Variants in HEPHL1 observed in about 807,000 individuals in gnomAD.
The protein encoded by HEPHL1 is ferroxidase HEPHL1.
A neutral mutation model predicts 122.0 loss-of-function variants in HEPHL1; 123 were observed. The observed-to-expected ratio is 1.01, with a 90% CI of 0.87 to 1.17. The LOEUF (loss-of-function observed/expected upper bound fraction) is 1.17, where lower values mean the gene tolerates loss of function less well. HEPHL1 is among the 50% of genes most tolerant of loss of function. HEPHL1 has a pLI of 0.00. For synonymous variants in HEPHL1, 527 were observed against 508.9 expected (o/e 1.04, Z -0.48); for missense variants, 1,452 against 1,430.5 (o/e 1.01, Z -0.24).
At chr11:94,073,475 C>T (rs769354959) in intron 8 of HEPHL1, 36 bp downstream of exon 8, 58 of 1,546,560 alleles carry the variant, frequency 3.8e-5, no homozygotes, top group Admixed American at 2.0e-4. Flanking sequence ...GGAAACAGGA[C>T]GGGTGAGCAA....
intron 14 of HEPHL1, 25 bp from the exon 15 acceptor site, chr11:94,102,889 A>G: frequency 1.7e-6 from 2 of 1,156,138 alleles, no homozygotes; most frequent in Non-Finnish European, 1.3e-6. Flanking sequence ...ATTCTAATAA[A>G]TTTTTTCCAT....
At chr11:94,023,521 C>G (rs1054348468) in intron 1 of HEPHL1, among the ~76,000 whole-genome samples, 1 of 152,058 alleles carries the variant, frequency 6.6e-6, no homozygotes, top group Non-Finnish European at 1.5e-5. Flanking sequence ...GAAGATGGTG[C>G]TTTGATGAAA....
At chr11:94,044,763 C>CTT (rs112232970) in intron 1 of HEPHL1, among the ~76,000 whole-genome samples, 3,069 of 136,350 alleles carry the variant, frequency 0.023, 115 homozygotes, top group African/African-American at 0.061. Context: ...TTCTCCAAAC[C>CTT]TTTTTTTTTT....
At chr11:94,067,424 G>A (rs1287969712) in intron 4 of HEPHL1, 72 bp from the exon 5 acceptor site, 7 of 1,485,460 alleles carry the variant, frequency 4.7e-6, no homozygotes, top group Admixed American at 1.7e-5. Context: ...GCTTAAGCCC[G>A]TATTACCAAC....
chr11:94,103,046 G>C (rs756000657), intron 15 of HEPHL1, 26 bp downstream of exon 15: 1 of 1,314,764 alleles, frequency 7.6e-7, no homozygotes, highest in Non-Finnish European at 1.1e-6. Context: ...CAACCAAAAG[G>C]CTTAAAATAA....
intron 2 of HEPHL1, among the ~76,000 whole-genome samples, chr11:94,051,976 C>G (rs925705875): frequency 6.6e-6 from 1 of 152,066 alleles, no homozygotes; most frequent in African/African-American, 2.4e-5. Context: ...TCCAGGTTCT[C>G]TATTCTGTTC....
intron 1 of HEPHL1, among the ~76,000 whole-genome samples, chr11:94,042,301 G>T (rs1945788760): frequency 7.8e-6 from 1 of 128,134 alleles, no homozygotes; most frequent in Non-Finnish European, 1.6e-5. Flanking sequence ...TTCAACCATT[G>T]TGGAAGTCAG....
chr11:94,087,831 C>T (rs1946230546), intron 11 of HEPHL1, among the ~76,000 whole-genome samples: 1 of 152,100 alleles, frequency 6.6e-6, no homozygotes, highest in Non-Finnish European at 1.5e-5. Flanking sequence ...TGAATTTTTG[C>T]TCATCTAAAA....
chr11:94,028,054 A>G (rs1031095537), intron 1 of HEPHL1, among the ~76,000 whole-genome samples: 1 of 152,094 alleles, frequency 6.6e-6, no homozygotes, highest in African/African-American at 2.4e-5. Flanking sequence ...ATGATCTCAC[A>G]TGTTGGATCT....
intron 13 of HEPHL1, among the ~76,000 whole-genome samples, chr11:94,100,042 G>A (rs1052380798): frequency 9.9e-5 from 15 of 152,068 alleles, no homozygotes; most frequent in Admixed American, 2.0e-4. Flanking sequence ...CTGACAAGCC[G>A]CAGTGAGATG....
At chr11:94,045,253 A>G (rs1463645185) in intron 1 of HEPHL1, among the ~76,000 whole-genome samples, 1 of 152,224 alleles carries the variant, frequency 6.6e-6, no homozygotes, top group Non-Finnish European at 1.5e-5. Flanking sequence ...TATCTGTTGT[A>G]TCAATCATTC....
chr11:94,055,624 C>A, intron 2 of HEPHL1: 1 of 379,594 alleles, frequency 2.6e-6, no homozygotes, highest in Non-Finnish European at 5.2e-6. Context: ...CAGCAGCACA[C>A]GCTCATCATA....
Position 94,067,560 on chromosome 11 carries a change from C to G in HEPHL1, c.873C>G (p.Ser291=), listed in dbSNP as rs1946044337. Residue 291 remains serine (S), a synonymous_variant, in exon 5 of 20, where the codon TCC becomes TCG. Coordinates refer to ENST00000315765, the MANE Select transcript of HEPHL1 (RefSeq NM_001098672.2). ...ATATGTGTGTTGGAGAATCTGTGTC[C>G]TGGCACCTATTTGGAATGGGGAATG... The part of the protein sequence containing the change: ...EPDMCVGESV[S]WHLFGMGNEI... The G allele has an allele frequency of 6.2e-7, 1 of 1,613,494 alleles. No homozygotes were observed. Among genetic ancestry groups the G allele is most frequent in the African/African-American group, 1.3e-5 (1 of 74,886 alleles).
In HEPHL1 at chr11:94,073,091, T is replaced by A. The variant is rs1442448032; in HGVS notation, c.1299T>A (p.Tyr433Ter). ...RIGGKYWKVR[Y>*]TEFVDATFTK... The stretch of plus-strand genomic sequence containing the variant: ...GAGGAAAATACTGGAAGGTTCGGTA[T>A]ACTGAATTTGTTGATGCAACTTTTA... Residue 433 changes from tyrosine to a stop codon, truncating the protein, a stop_gained, in exon 7 of 20, where the codon TAT becomes TAA. Coordinates refer to ENST00000315765, the MANE Select transcript of HEPHL1 (RefSeq NM_001098672.2). LOFTEE classifies it high-confidence loss of function. 6.2e-7 allele frequency: 1 copy of A among 1,613,010 alleles called. No individual in the cohort carries two copies. Among genetic ancestry groups the A allele is most frequent in the Non-Finnish European group, 8.5e-7 (1 of 1,179,364 alleles).
At chr11:94,106,152 T>C (rs753172376) in intron 17 of HEPHL1, 22 bp downstream of exon 17, 1 of 1,515,828 alleles carries the variant, frequency 6.6e-7, no homozygotes, top group Non-Finnish European at 8.9e-7. Flanking sequence ...GAAAGTGCTT[T>C]GGGAAAGACG....
intron 1 of HEPHL1, among the ~76,000 whole-genome samples, chr11:94,030,887 A>G (rs370700367): frequency 2.6e-5 from 4 of 152,206 alleles, no homozygotes; most frequent in South Asian, 2.1e-4. Flanking sequence ...ATGTTCATAC[A>G]CAGTCCCAAG....
intron 12 of HEPHL1, among the ~76,000 whole-genome samples, chr11:94,091,150 G>A (rs922915689): frequency 6.6e-6 from 1 of 152,082 alleles, no homozygotes; most frequent in Non-Finnish European, 1.5e-5. Context: ...ATTCTGCTAG[G>A]GATTTTACAA....
At chr11:94,047,844 C>A (rs1479021036) in intron 2 of HEPHL1, among the ~76,000 whole-genome samples, 2 of 152,034 alleles carry the variant, frequency 1.3e-5, no homozygotes, top group South Asian at 2.1e-4. Flanking sequence ...GCTACAAATT[C>A]TTTTTTCAAA....
chr11:94,105,961 C>T (rs747164496), intron 16 of HEPHL1, 30 bp from the exon 17 acceptor site: 4 of 1,486,728 alleles, frequency 2.7e-6, no homozygotes, highest in African/African-American at 2.8e-5. Flanking sequence ...TTTAACTAAC[C>T]AAAGGTTATT....
Sources: allele counts gnomAD v4.1 joint callset (sites outside exome capture counted in the v4.1 genomes callset), GRCh38; gene constraint gnomAD v4.1.1; transcripts MANE v1.5; gene names NCBI Gene and HGNC (gene_info 2026-07-23, HGNC 2026-07-21).